Variants in ASTN2 observed in about 807,000 individuals in gnomAD.
ASTN2 encodes the protein astrotactin 2.
Under a neutral mutation model 139.8 loss-of-function variants are expected in ASTN2, and 54 were observed. The observed-to-expected ratio is 0.39, with a 90% confidence interval of 0.31 to 0.48. The LOEUF (loss-of-function observed/expected upper bound fraction) is 0.48. Among genes scored for constraint, ASTN2 ranks in the 20% least tolerant of loss-of-function variants. The pLI is 0.95. For synonymous variants in ASTN2, 756 were observed against 719.5 expected (o/e 1.05, Z -0.81); for missense variants, 1,565 against 1,725.1 (o/e 0.91, Z 1.64).
chr9:116,952,255 A>G (rs1835583450), intron 10 of ASTN2, among the ~76,000 whole-genome samples: 1 of 152,218 alleles, frequency 6.6e-6, no homozygotes, highest in Non-Finnish European at 1.5e-5. Context: ...TAGACCTACC[A>G]TAGACATGAC....
At position 117,018,237 on chromosome 9, in the gene ASTN2, A is replaced by C. The variant is rs140924983; in HGVS notation, c.1424-9978T>G. 7.2e-3 allele frequency among the ~76,000 whole-genome samples: 1,096 copies of C among 152,234 alleles called. 8 individuals are homozygous for C. Among genetic ancestry groups the C allele is most frequent in the South Asian group, 0.035 (171 of 4,824 alleles). On this transcript the variant is annotated intron_variant, in intron 6 of 22. Transcript: ENST00000313400. ...AGTAAATTAACAAATGAATGAGTGC[A>C]CCTTGTGGCCTACAGGACCCACCAG...
At position 116,948,797 on chromosome 9, in the gene ASTN2, T is replaced by G. The variant is rs867802425; in HGVS notation, c.1889+26411A>C. On this transcript the variant is annotated intron_variant, in intron 10 of 22. Transcript: ENST00000313400. ...GAAATAATTTGGTGTTTTTTTTTTT[T>G]TTTTTTTTTTTTTGAGAAGGAGTCT... Among the ~76,000 whole-genome samples the G allele has an allele frequency of 3.5e-4, 42 of 118,352 alleles. 2 individuals are homozygous for G. In the South Asian group the frequency reaches 9.3e-3, roughly 26 times the overall value. The allele number at this position is 118,352 out of a possible 152,430, so 77.6% of individuals were successfully genotyped here.
At chr9:116,950,427 G>A (rs576230630) in intron 10 of ASTN2, among the ~76,000 whole-genome samples, 1 of 152,270 alleles carries the variant, frequency 6.6e-6, no homozygotes, top group East Asian at 1.9e-4. Context: ...TGCTGCTGAG[G>A]GAGGGAGGGA....
chr9:117,242,356 G>A (rs911527724), intron 2 of ASTN2, among the ~76,000 whole-genome samples: 1 of 152,040 alleles, frequency 6.6e-6, no homozygotes, highest in African/African-American at 2.4e-5. Flanking sequence ...ATATAATTGA[G>A]TTTCTCCCTG....
intron 13 of ASTN2, among the ~76,000 whole-genome samples, chr9:116,801,748 G>A (rs1333662693): frequency 6.6e-6 from 1 of 152,058 alleles, no homozygotes; most frequent in Non-Finnish European, 1.5e-5. Flanking sequence ...GTCTGGAGAT[G>A]GAAATAATTG....
intron 11 of ASTN2, among the ~76,000 whole-genome samples, chr9:116,853,853 C>A (rs1832673516): frequency 6.6e-6 from 1 of 152,128 alleles, no homozygotes. Flanking sequence ...AGAAACAGCT[C>A]AAAACACAGA....
chr9:117,087,608 C>G (rs1358712107), intron 5 of ASTN2, among the ~76,000 whole-genome samples: 1 of 152,180 alleles, frequency 6.6e-6, no homozygotes, highest in East Asian at 1.9e-4. Flanking sequence ...GGCTCAGGCA[C>G]TGATGTGCTG....
chr9:117,006,149 C>CTTT (rs1837348183), intron 7 of ASTN2, among the ~76,000 whole-genome samples: 1 of 152,170 alleles, frequency 6.6e-6, no homozygotes, highest in Non-Finnish European at 1.5e-5. Context: ...TAAACACCCA[C>CTTT]ACCCAGCCCC....
chr9:117,378,896 G>A (rs1192180889), intron 1 of ASTN2, among the ~76,000 whole-genome samples: 1 of 152,154 alleles, frequency 6.6e-6, no homozygotes, highest in African/African-American at 2.4e-5. Flanking sequence ...GAATGGTTTA[G>A]CACCATCCCC....
intron 4 of ASTN2, among the ~76,000 whole-genome samples, chr9:117,121,630 A>G (rs1331163029): frequency 6.6e-6 from 1 of 152,240 alleles, no homozygotes; most frequent in African/African-American, 2.4e-5. Context: ...GCCATTTGTT[A>G]CCATATGACC....
At chr9:116,860,570 A>AATCCAG (rs1405072764) in intron 11 of ASTN2, among the ~76,000 whole-genome samples, 2 of 152,244 alleles carry the variant, frequency 1.3e-5, no homozygotes, top group Non-Finnish European at 2.9e-5. Flanking sequence ...TCCAGGCTTT[A>AATCCAG]GCCCAATTCA....
intron 3 of ASTN2, chr9:117,197,042 C>T (rs771723865): frequency 5.9e-5 from 9 of 152,148 alleles, no homozygotes; most frequent in Admixed American, 5.9e-4. Context: ...TCATGCTTTA[C>T]AAGAATAGCT....
chr9:117,055,572 T>C (rs1169873660), intron 5 of ASTN2, among the ~76,000 whole-genome samples: 5 of 152,188 alleles, frequency 3.3e-5, no homozygotes, highest in Non-Finnish European at 7.3e-5. Flanking sequence ...GAAAGAAATC[T>C]CGTTGAGCAA....
intron 2 of ASTN2, among the ~76,000 whole-genome samples, chr9:117,229,005 A>AAAAAAC (rs1564492302): frequency 1.3e-5 from 2 of 150,598 alleles, no homozygotes. Context: ...CTCCATTTCA[A>AAAAAAC]AAAACAAAAC....
intron 10 of ASTN2, among the ~76,000 whole-genome samples, chr9:116,971,541 A>T (rs954992990): frequency 2.6e-5 from 4 of 152,196 alleles, no homozygotes; most frequent in Admixed American, 6.5e-5. Context: ...ATGTACATAA[A>T]GCCACAGACC....
chr9:116,423,124 ATTCT>A lies in ASTN2; in HGVS notation c.*2723_*2726del, dbSNP rs1847229630. ...TAGCTGACAGAGCTGAAAATCATTA[ATTCT>A]TTCTTTTAATCAGAATTCTCTAGGT... On this transcript the variant is annotated 3_prime_UTR_variant, in exon 23 of 23. Transcript: ENST00000313400. Among the ~76,000 whole-genome samples, 1 of 152,116 alleles carries A rather than the reference ATTCT, an allele frequency of 6.6e-6. No homozygotes were observed. Among genetic ancestry groups the A allele is most frequent in the Non-Finnish European group, 1.5e-5 (1 of 68,028 alleles).
chr9:117,403,513 G>A (rs147759753), intron 1 of ASTN2, among the ~76,000 whole-genome samples: 5 of 152,252 alleles, frequency 3.3e-5, no homozygotes, highest in Admixed American at 6.5e-5. Flanking sequence ...TAGACCAGAC[G>A]TCTTCCTGTG....
intron 2 of ASTN2, among the ~76,000 whole-genome samples, chr9:117,255,241 T>C (rs1460660305): frequency 1.3e-5 from 2 of 152,224 alleles, no homozygotes; most frequent in Admixed American, 1.3e-4. Context: ...AAATTTGTAA[T>C]GCATTCTGTA....
intron 1 of ASTN2, among the ~76,000 whole-genome samples, chr9:117,358,260 A>G (rs1829596398): frequency 1.4e-5 from 1 of 69,304 alleles, no homozygotes; most frequent in African/African-American, 6.0e-5. Flanking sequence ...ATACATGTGC[A>G]GACACACACA....
Sources: gnomAD v4.1 joint callset for allele counts (sites outside exome capture counted in the v4.1 genomes callset) on GRCh38, gnomAD v4.1.1 for gene constraint, MANE v1.5 for transcripts, NCBI Gene and HGNC (gene_info 2026-07-23, HGNC 2026-07-21) for gene names.